Variants in PDGFRB observed in about 807,000 individuals in gnomAD.
PDGFRB encodes platelet derived growth factor receptor beta, also known as platelet-derived growth factor receptor beta.
PDGFRB carries 42 observed loss-of-function variants against 120.2 expected under a neutral mutation model. That is an observed-to-expected ratio of 0.35 (90% CI 0.27 to 0.45). The LOEUF (loss-of-function observed/expected upper bound fraction) is 0.45. PDGFRB is among the 20% of genes least tolerant of loss of function. The probability of loss-of-function intolerance (pLI) is 1.00; values close to 1 mark genes in which losing one functional copy is unlikely to be tolerated. For missense variants in PDGFRB, 1,149 were observed against 1,476.3 expected, an observed-to-expected ratio of 0.78 and a Z score of 3.63; for synonymous variants, 586 against 606.8, an observed-to-expected ratio of 0.97 and a Z score of 0.50.
chr5:150,129,868 C>G lies in PDGFRB; in HGVS notation c.1468G>C (p.Glu490Gln). 2 of 1,614,150 alleles carry G rather than the reference C, an allele frequency of 1.2e-6. No homozygotes were observed. The highest frequency in any genetic ancestry group is 1.7e-6 in the Non-Finnish European group (2 of 1,179,974). ...TGCAGACGCAGTGTGCTCACCACCT[C>G]AAACTCCTGCTCCTCCTCCCAGTAC... ...VTYWEEEQEF[E>Q]VVSTLRLQHV... Residue 490 changes from glutamate to glutamine, a missense_variant, in exon 10 of 23, where the codon GAG (glutamate) becomes CAG (glutamine). Glu to Gln is a conservative substitution (Grantham distance 29). This residue lies in a region of PDGFRB where 879 missense variants were observed against 1,108.6 expected (regional missense o/e 0.79). Coordinates refer to ENST00000261799, the MANE Select transcript of PDGFRB (RefSeq NM_002609.4).
Position 150,155,822 on chromosome 5 carries a change from G to A in PDGFRB, c.-432C>T. On this transcript the variant is annotated 5_prime_UTR_variant, in exon 1 of 23. Transcript: ENST00000261799. ...CAGAGCGATCCTGGGTCCCAGATAG[G>A]GCGGGCAGTCACTGCTGGCTGCTGG... 1 of 397,284 alleles carries A rather than the reference G, an allele frequency of 2.5e-6. No individual in the cohort carries two copies. Among genetic ancestry groups the A allele is most frequent in the Non-Finnish European group, 4.4e-6 (1 of 225,764 alleles). The allele number at this position is 397,284 out of a possible 1,614,324, so 24.6% of individuals were successfully genotyped here. A position where few individuals can be genotyped will look rare whatever the true frequency, so the allele number is the denominator to read the frequency against.
Position 150,115,873 on chromosome 5 carries a change from C to T in PDGFRB, c.3211G>A (p.Glu1071Lys). Residue 1071 changes from glutamate (E) to lysine (K), a missense_variant, in exon 23 of 23, where the codon GAG becomes AAG. Glu to Lys is a moderately conservative substitution (Grantham distance 56, BLOSUM62 1). Coordinates refer to ENST00000261799, the MANE Select transcript of PDGFRB (RefSeq NM_002609.4). ...TGGAGCTCAAGCTGGGGCTCTGGCTCTGGTTCGTCCTGGGGCTCCAGGGGG... is the reference window on the plus strand; with the variant it reads ...TGGAGCTCAAGCTGGGGCTCTGGCTTTGGTTCGTCCTGGGGCTCCAGGGGG... ...DSPLEPQDEP[E>K]PEPQLELQVE... 6.2e-7 allele frequency: 1 copy of T among 1,610,806 alleles called. No individual in the cohort carries two copies. The highest frequency in any genetic ancestry group is 8.5e-7 in the Non-Finnish European group (1 of 1,178,318).
At position 150,135,795 on chromosome 5, in the gene PDGFRB, G is replaced by A. The variant is rs1760612434; in HGVS notation, c.124C>T (p.Leu42Phe). The change falls in exon 3 of 23, where the codon CTT becomes TTT. Residue 42 changes from leucine (L) to phenylalanine (F), a missense_variant. Around this residue, in one of 3 missense-constraint regions of PDGFRB, gnomAD observed 879 missense variants for 1,108.6 expected, o/e 0.79. Coordinates refer to ENST00000261799, the MANE Select transcript of PDGFRB (RefSeq NM_002609.4). The stretch of plus-strand genomic sequence containing the variant: ...AAGGTGCTGGAGACATTGAGGACAA[G>A]CTCTGGCCCCGGGGGTGTGACGACC... ...GLVVTPPGPE[L>F]VLNVSSTFVL... is the part of the protein sequence containing the mutation. The A allele has an allele frequency of 6.2e-7, 1 of 1,602,500 alleles. No homozygotes were observed. The highest frequency in any genetic ancestry group is 1.7e-5 in the Admixed American group (1 of 58,714).
chr5:150,116,838 G>A (rs1759949896), intron 22 of PDGFRB, among the ~76,000 whole-genome samples: 1 of 152,142 alleles, frequency 6.6e-6, no homozygotes. Context: ...TAAGGCCGGT[G>A]TGCACTCCTG....
chr5:150,125,431 C>T lies in PDGFRB; in HGVS notation c.1807+14G>A, dbSNP rs758802544. On this transcript the variant is annotated intron_variant, in intron 12 of 22. Transcript: ENST00000261799. Reference sequence around the variant, plus strand: ...GAGTCCCCACACTGCCACATGAGGCCTCTCAGGACTGACCCAGCACAAGCT... The same window carrying T: ...GAGTCCCCACACTGCCACATGAGGCTTCTCAGGACTGACCCAGCACAAGCT... 3 of 1,602,286 alleles carry T rather than the reference C, an allele frequency of 1.9e-6. No individual in the cohort carries two copies. The highest frequency in any genetic ancestry group is 2.6e-6 in the Non-Finnish European group (3 of 1,171,752).
At position 150,120,795 on chromosome 5, in the gene PDGFRB, C is replaced by T; in HGVS notation, c.2586+93G>A. On this transcript the variant is annotated intron_variant, in intron 18 of 22. Coordinates refer to ENST00000261799, the MANE Select transcript of PDGFRB (RefSeq NM_002609.4). This position sits in a 1 kb window ranked among gnomAD's most constrained non-coding sequence, Gnocchi z 4.3. ...GCCACAAGGAGCCCCACACAGATTT[C>T]CTATGAGCTGCAGCCACACTGGTCA... is the stretch of plus-strand genomic sequence containing the variant. The T allele has an allele frequency of 8.2e-7, 1 of 1,223,468 alleles. No individual in the cohort carries two copies. Among genetic ancestry groups the T allele is most frequent in the Non-Finnish European group, 1.2e-6 (1 of 850,424 alleles). 75.8% of individuals were successfully genotyped at this position (1,223,468 alleles called of 1,614,324 possible). A position where few individuals can be genotyped will look rare whatever the true frequency, so the allele number is the denominator to read the frequency against.
chr5:150,124,695 C>T lies in PDGFRB; in HGVS notation c.1912+32G>A, dbSNP rs191619373. The T allele has an allele frequency of 2.1e-3, 2,248 of 1,054,156 alleles. 21 individuals carry two copies. The African/African-American group carries it at 0.03, about 14-fold the overall frequency. The allele number at this position is 1,054,156 out of a possible 1,614,324, so 65.3% of individuals were successfully genotyped here. Reference sequence around the variant, plus strand: ...GGGGAGGGGCAGGGAGAGGTGAAGGCCCAGATGTGGAGGGCTCCAAGGACT... The same window carrying T: ...GGGGAGGGGCAGGGAGAGGTGAAGGTCCAGATGTGGAGGGCTCCAAGGACT... On this transcript the variant is annotated intron_variant, in intron 13 of 22. Coordinates refer to ENST00000261799, the MANE Select transcript of PDGFRB (RefSeq NM_002609.4).
chr5:150,117,547 C>CGT, intron 22 of PDGFRB, 71 bp downstream of exon 22: 1 of 447,406 alleles, frequency 2.2e-6, no homozygotes, highest in South Asian at 3.2e-5. Context: ...CGCGCGCGCA[C>CGT]ACACACACAC....
intron 10 of PDGFRB, among the ~76,000 whole-genome samples, chr5:150,128,706 C>T (rs1435378958): frequency 1.3e-5 from 2 of 152,196 alleles, no homozygotes; most frequent in Non-Finnish European, 2.9e-5. Flanking sequence ...CTAAAGGTTC[C>T]TTTTCTAGAA....
rs146064275 is a variant in PDGFRB, at chr5:150,132,794, G to A, written c.1083C>T (p.Ser361=). The part of the protein sequence containing the change: ...FKDNRTLGDS[S]AGEIALSTRN... ...GCGTGGACAGGGCGATTTCGCCAGC[G>A]CTGGAGTCGCCCAGGGTGCGGTTGT... The change falls in exon 7 of 23, where the codon AGC becomes AGT. Residue 361 remains serine (S), a synonymous_variant. Transcript: ENST00000261799. This position sits in a 1 kb window ranked among gnomAD's most constrained non-coding sequence, Gnocchi z 5.0. 1.2e-4 allele frequency: 198 copies of A among 1,612,788 alleles called. No individual in the cohort carries two copies. Among genetic ancestry groups the A allele is most frequent in the Middle Eastern group, 1.6e-4 (1 of 6,070 alleles).
chr5:150,138,879 C>A (rs1042400907), intron 1 of PDGFRB, among the ~76,000 whole-genome samples: 2 of 152,234 alleles, frequency 1.3e-5, no homozygotes, highest in African/African-American at 4.8e-5. Flanking sequence ...AGCTTCCCTG[C>A]CCCTCCTCTC....
Position 150,130,596 on chromosome 5 carries a change from C to T in PDGFRB, c.1310G>A (p.Arg437His), listed in dbSNP as rs2113904125. The T allele has an allele frequency of 1.2e-6, 2 of 1,612,224 alleles. No homozygotes were observed. Among genetic ancestry groups the T allele is most frequent in the South Asian group, 1.1e-5 (1 of 90,902 alleles). ...GTTCGGCTGGGGCATGCCCCGGCCA[C>T]GACAGCGGACTGTCTGTTCCCCACT... ...PDSGEQTVRC[R>H]GRGMPQPNII... The change falls in exon 9 of 23, where the codon CGT becomes CAT. Residue 437 changes from arginine (R) to histidine (H), a missense_variant. By Grantham distance (29) the Arg-to-His change is conservative. Transcript: ENST00000261799.
intron 1 of PDGFRB, among the ~76,000 whole-genome samples, chr5:150,139,912 G>A (rs962541556): frequency 2.0e-5 from 3 of 151,958 alleles, no homozygotes; most frequent in Admixed American, 6.6e-5. Context: ...CCCAGGAGGC[G>A]GAGGTTGCAG....
At position 150,125,870 on chromosome 5, in the gene PDGFRB, C is replaced by T. The variant is rs114147512; in HGVS notation, c.1675-293G>A. ...CCTCTCTAGCTTCTCTCCCAGCCTT[C>T]GCTGCTCCTCAGATGGAAGTAGTAG... On this transcript the variant is annotated intron_variant, in intron 11 of 22. Transcript: ENST00000261799. Among the ~76,000 whole-genome samples the T allele has an allele frequency of 9.7e-3, 1,475 of 152,288 alleles. 24 individuals are homozygous for T. Among genetic ancestry groups the T allele is most frequent in the African/African-American group, 0.034 (1,405 of 41,554 alleles).
At chr5:150,131,523 G>A (rs917998928) in intron 8 of PDGFRB, among the ~76,000 whole-genome samples, 1 of 152,164 alleles carries the variant, frequency 6.6e-6, no homozygotes, top group Non-Finnish European at 1.5e-5. Flanking sequence ...CTCTCCCGCA[G>A]TGTTAGTTAC....
At chr5:150,127,832 T>TAAAAA in intron 10 of PDGFRB, among the ~76,000 whole-genome samples, 1 of 24,758 alleles carries the variant, frequency 4.0e-5, no homozygotes, top group South Asian at 1.2e-3. Flanking sequence ...AGACTCCATC[T>TAAAAA]TAAAAAAAAA....
chr5:150,149,891 A>AG (rs1394163788), intron 1 of PDGFRB, among the ~76,000 whole-genome samples: 1 of 152,204 alleles, frequency 6.6e-6, no homozygotes, highest in Non-Finnish European at 1.5e-5. Context: ...AGCAGCAATG[A>AG]GGATGTGGCA....
Position 150,131,975 on chromosome 5 carries a change from T to A in PDGFRB, c.1243+4A>T, listed in dbSNP as rs573720818. On this transcript the variant is annotated splice_donor_region_variant and intron_variant, in intron 8 of 22. Coordinates refer to ENST00000261799, the MANE Select transcript of PDGFRB (RefSeq NM_002609.4). ...AGGGACATGGCGAGGGGCGTGCTCA[T>A]CACCATTGATCTGTAGCTGGAAGGA... 3.5e-4 allele frequency: 513 copies of A among 1,481,744 alleles called. 8 individuals carry two copies. The South Asian group carries it at 5.6e-3, about 16-fold the overall frequency. The allele number at this position is 1,481,744 out of a possible 1,614,324, so 91.8% of individuals were successfully genotyped here.
Position 150,132,847 on chromosome 5 carries a change from G to C in PDGFRB, c.1030C>G (p.Pro344Ala), listed in dbSNP as rs767364248. 1 of 1,608,952 alleles carries C rather than the reference G, an allele frequency of 6.2e-7. No individual in the cohort carries two copies. The highest frequency in any genetic ancestry group is 8.5e-7 in the Non-Finnish European group (1 of 1,177,962). The change falls in exon 7 of 23, where the codon CCA (proline) becomes GCA (alanine). Residue 344 changes from proline (P) to alanine (A), a missense_variant. Physicochemically the swap from Pro to Ala is conservative, Grantham distance 27 (BLOSUM62 -1). Coordinates refer to ENST00000261799, the MANE Select transcript of PDGFRB (RefSeq NM_002609.4). This position sits in a 1 kb window ranked among gnomAD's most constrained non-coding sequence, Gnocchi z 5.0. ...RTLQVVFEAY[P>A]PPTVLWFKDN... ...TTGAACCACAGGACAGTGGGCGGTG[G>C]GTAGGCCTCGAACACTACCTGCAGT...
Sources: gnomAD v4.1 joint callset for allele counts (sites outside exome capture counted in the v4.1 genomes callset) on GRCh38, gnomAD v4.1.1 for gene constraint, gnomAD v4.1.1 regional missense constraint, Gnocchi (gnomAD v3.1) non-coding constraint, MANE v1.5 for transcripts, NCBI Gene and HGNC (gene_info 2026-07-23, HGNC 2026-07-21) for gene names.